The following RTN1 variants were observed in gnomAD, a reference collection of about 807,000 sequenced individuals.
RTN1 encodes the protein reticulon-1.
RTN1 carries 25 observed loss-of-function variants against 65.5 expected under a neutral mutation model. The ratio of observed to expected loss-of-function variants is 0.38; its 90% CI spans 0.28 to 0.53. The LOEUF (loss-of-function observed/expected upper bound fraction) is 0.53, where lower values mean the gene tolerates loss of function less well. Ranked by LOEUF, RTN1 falls within the 20% of genes least tolerant of loss-of-function variation. The probability of loss-of-function intolerance (pLI) is 0.79; values close to 1 mark genes in which losing one functional copy is unlikely to be tolerated. For missense variants in RTN1, 983 were observed against 1,025.4 expected (o/e 0.96, Z 0.57); for synonymous variants, 471 against 447.6 (o/e 1.05, Z -0.66).
intron 2 of RTN1, among the ~76,000 whole-genome samples, chr14:59,728,356 T>C (rs1482649604): frequency 6.6e-6 from 1 of 150,564 alleles, no homozygotes; most frequent in Non-Finnish European, 1.5e-5. Context: ...TGGACTATCC[T>C]GCAAGGCTTT....
At position 59,731,512 on chromosome 14, in the gene RTN1, T is replaced by C. The variant is rs1438229895; in HGVS notation, c.1016-3844A>G. 2.0e-5 allele frequency among the ~76,000 whole-genome samples: 3 copies of C among 151,618 alleles called. No homozygotes were observed. In the East Asian group the frequency reaches 5.8e-4, roughly 29 times the overall value. On this transcript the variant is annotated intron_variant, in intron 2 of 8. Coordinates refer to ENST00000267484, the MANE Select transcript of RTN1 (RefSeq NM_021136.3). ...TGGATTATATCTCAATAAAGCTGTT[T>C]AAAAAAAAATGGAAGTTTGGCCTTG...
chr14:59,845,378 C>T (rs952899318), intron 1 of RTN1, among the ~76,000 whole-genome samples: 1 of 152,210 alleles, frequency 6.6e-6, no homozygotes, highest in Admixed American at 6.5e-5. Flanking sequence ...TATCCACCCA[C>T]ATGTCTGAGC....
chr14:59,805,051 C>A (rs1233402986), intron 1 of RTN1, among the ~76,000 whole-genome samples: 1 of 152,156 alleles, frequency 6.6e-6, no homozygotes, highest in African/African-American at 2.4e-5. Context: ...CAAACACATT[C>A]CCGTCTTGAG....
At chr14:59,858,238 T>C (rs1235730652) in intron 1 of RTN1, among the ~76,000 whole-genome samples, 1 of 152,196 alleles carries the variant, frequency 6.6e-6, no homozygotes, top group Non-Finnish European at 1.5e-5. Context: ...TCAGTGCTTC[T>C]TACAGCTTTA....
At chr14:59,609,102 T>C (rs1881859876) in intron 3 of RTN1, among the ~76,000 whole-genome samples, 1 of 151,730 alleles carries the variant, frequency 6.6e-6, no homozygotes, top group Non-Finnish European at 1.5e-5. Context: ...CCAGCCAACA[T>C]GGTGAAACCC....
chr14:59,796,928 G>C (rs1475861151), intron 1 of RTN1, among the ~76,000 whole-genome samples: 2 of 152,166 alleles, frequency 1.3e-5, no homozygotes, highest in African/African-American at 4.8e-5. Context: ...CTCACACAAA[G>C]TAGGGGTTCA....
chr14:59,696,646 A>G (rs1249078910), intron 3 of RTN1, among the ~76,000 whole-genome samples: 1 of 152,128 alleles, frequency 6.6e-6, no homozygotes, highest in Non-Finnish European at 1.5e-5. Context: ...AATTTCTACC[A>G]AGGTGTGGAG....
chr14:59,767,468 T>C (rs1340643916), intron 1 of RTN1, among the ~76,000 whole-genome samples: 1 of 152,232 alleles, frequency 6.6e-6, no homozygotes, highest in Non-Finnish European at 1.5e-5. Context: ...TCTGAACTGA[T>C]AAATCAGAGA....
intron 3 of RTN1, among the ~76,000 whole-genome samples, chr14:59,706,126 G>A (rs1180806092): frequency 6.6e-6 from 1 of 152,262 alleles, no homozygotes; most frequent in East Asian, 1.9e-4. Flanking sequence ...CACCACACCC[G>A]ACAGACATTT....
rs372073823 is a variant in RTN1 at position 59,769,523 on chromosome 14, A to G, written c.242-23042T>C. 1.1e-4 allele frequency among the ~76,000 whole-genome samples: 16 copies of G among 152,224 alleles called. No homozygotes were observed. The East Asian group carries it at 2.9e-3, about 27-fold the overall frequency. ...AGAACTATGTTGGAAACCCTGAAGG[A>G]GCAAACGCTGCTCCTTGTAAAACCA... On this transcript the variant is annotated intron_variant, in intron 1 of 8. Transcript: ENST00000267484.
intron 2 of RTN1, among the ~76,000 whole-genome samples, chr14:59,739,836 G>C (rs1020233916): frequency 1.3e-5 from 2 of 152,158 alleles, no homozygotes; most frequent in Non-Finnish European, 2.9e-5. Context: ...TCTTACCTTG[G>C]ATGGTTCTTC....
intron 3 of RTN1, among the ~76,000 whole-genome samples, chr14:59,690,389 T>C (rs1303997035): frequency 6.6e-6 from 1 of 152,052 alleles, no homozygotes; most frequent in African/African-American, 2.4e-5. Flanking sequence ...TCAATTCAAC[T>C]AGAAGCTTAA....
At chr14:59,728,943 G>A (rs760581787) in intron 2 of RTN1, among the ~76,000 whole-genome samples, 7 of 152,120 alleles carry the variant, frequency 4.6e-5, no homozygotes, top group Non-Finnish European at 8.8e-5. Flanking sequence ...TAGTAAATAA[G>A]TAAAGTATAT....
At chr14:59,853,427 C>T (rs1028850389) in intron 1 of RTN1, among the ~76,000 whole-genome samples, 2 of 152,176 alleles carry the variant, frequency 1.3e-5, no homozygotes, top group Non-Finnish European at 2.9e-5. Flanking sequence ...GACCCTATGC[C>T]ACTTGACAAC....
rs2139509521 is a variant in RTN1, at chr14:59,746,270, T to C, written c.453A>G (p.Pro151=). The change falls in exon 2 of 9, where the codon CCA becomes CCG. Residue 151 remains proline, a synonymous_variant. Coordinates refer to ENST00000267484, the MANE Select transcript of RTN1 (RefSeq NM_021136.3). ...EELGTPGPSL[P]DVPGIESRGL... is the part of the protein sequence containing the mutation. ...CACGAGACTCTATCCCAGGCACATC[T>C]GGTAAGGAGGGGCCGGGTGTACCCA... 1 of 1,613,124 alleles carries C rather than the reference T, an allele frequency of 6.2e-7. No homozygotes were observed. The highest frequency in any genetic ancestry group is 1.7e-5 in the Admixed American group (1 of 59,828).
chr14:59,831,838 T>A (rs141791662), intron 1 of RTN1, among the ~76,000 whole-genome samples: 132 of 152,044 alleles, frequency 8.7e-4, no homozygotes, highest in African/African-American at 3.1e-3. Context: ...CTCTGCCTTG[T>A]TCCCCCCTCA....
intron 1 of RTN1, among the ~76,000 whole-genome samples, chr14:59,833,709 T>A (rs915859912): frequency 2.0e-5 from 3 of 152,130 alleles, no homozygotes; most frequent in African/African-American, 7.2e-5. Flanking sequence ...AAGTAGGCCC[T>A]GGTGTCTATT....
intron 3 of RTN1, among the ~76,000 whole-genome samples, chr14:59,652,629 GA>G (rs1408163369): frequency 6.6e-6 from 1 of 151,968 alleles, no homozygotes; most frequent in Non-Finnish European, 1.5e-5. Flanking sequence ...GCTAAATGAT[GA>G]GAACACATGG....
chr14:59,726,838 G>A (rs1594702842), intron 3 of RTN1, 81 bp downstream of exon 3: 6 of 1,258,290 alleles, frequency 4.8e-6, no homozygotes, highest in Admixed American at 4.6e-5. Context: ...CTCCAGGGCT[G>A]AGCCAGAACC....
Sources: gnomAD v4.1 joint callset for allele counts (sites outside exome capture counted in the v4.1 genomes callset) on GRCh38, gnomAD v4.1.1 for gene constraint, MANE v1.5 for transcripts, NCBI Gene and HGNC (gene_info 2026-07-23, HGNC 2026-07-21) for gene names.